Variants in DLG2 observed in about 807,000 individuals in gnomAD.
DLG2 encodes disks large homolog 2.
A neutral mutation model predicts 132.5 loss-of-function variants in DLG2; 45 were observed. The observed-to-expected ratio is 0.34, with a 90% CI of 0.27 to 0.44. DLG2 has a LOEUF of 0.44. Ranked by LOEUF, DLG2 falls within the 20% of genes least tolerant of loss-of-function variation. The pLI, the probability that DLG2 is intolerant of heterozygous loss-of-function variation, is 1.00. For synonymous variants in DLG2, 424 were observed against 419.6 expected, an observed-to-expected ratio of 1.01 and a Z score of -0.13; for missense variants, 1,045 against 1,196.9, an observed-to-expected ratio of 0.87 and a Z score of 1.87.
chr11:83,733,224 G>A (rs2091322722), intron 18 of DLG2, among the ~76,000 whole-genome samples: 1 of 130,044 alleles, frequency 7.7e-6, no homozygotes, highest in Non-Finnish European at 1.6e-5. Flanking sequence ...CTGGGCAATG[G>A]AGGGAGACCC....
intron 7 of DLG2, among the ~76,000 whole-genome samples, chr11:84,306,525 T>C (rs1204398116): frequency 6.6e-6 from 1 of 152,238 alleles, no homozygotes; most frequent in East Asian, 1.9e-4. Flanking sequence ...CGCGGAGTTA[T>C]AGTCCCAGAA....
chr11:84,442,119 A>G (rs983069984), intron 7 of DLG2, among the ~76,000 whole-genome samples: 1 of 152,126 alleles, frequency 6.6e-6, no homozygotes, highest in African/African-American at 2.4e-5. Context: ...TTCATTCTAT[A>G]TGAAATTTAA....
intron 18 of DLG2, among the ~76,000 whole-genome samples, chr11:83,685,288 C>T (rs1193272324): frequency 6.6e-6 from 1 of 152,186 alleles, no homozygotes; most frequent in East Asian, 1.9e-4. Flanking sequence ...ACATTAGTGT[C>T]TGTTTTCACT....
intron 6 of DLG2, among the ~76,000 whole-genome samples, chr11:84,714,256 C>CA (rs2060767293): frequency 6.6e-6 from 1 of 151,848 alleles, no homozygotes; most frequent in South Asian, 2.1e-4. Flanking sequence ...CTGCTAGTGA[C>CA]AAAAAATATG....
chr11:85,046,382 T>C (rs1028718766), intron 6 of DLG2, among the ~76,000 whole-genome samples: 1 of 151,972 alleles, frequency 6.6e-6, no homozygotes, highest in African/African-American at 2.4e-5. Context: ...AGAAATGGAA[T>C]TATGAGGATA....
At chr11:84,310,665 G>A (rs1409315633) in intron 7 of DLG2, among the ~76,000 whole-genome samples, 1 of 152,118 alleles carries the variant, frequency 6.6e-6, no homozygotes, top group African/African-American at 2.4e-5. Context: ...TCCCTTACCT[G>A]GGGGACAGCT....
intron 17 of DLG2, among the ~76,000 whole-genome samples, chr11:83,792,100 C>A (rs1166778176): frequency 1.3e-5 from 2 of 152,064 alleles, no homozygotes; most frequent in African/African-American, 4.8e-5. Context: ...TAATGAAAGC[C>A]CAGTATTCCA....
intron 22 of DLG2, among the ~76,000 whole-genome samples, chr11:83,483,579 A>G (rs1350977995): frequency 2.0e-5 from 3 of 152,176 alleles, no homozygotes; most frequent in African/African-American, 7.2e-5. Context: ...ATGGTCAATC[A>G]CGTTGCCACA....
intron 7 of DLG2, among the ~76,000 whole-genome samples, chr11:84,345,643 T>C (rs899377347): frequency 6.6e-6 from 1 of 150,970 alleles, no homozygotes; most frequent in African/African-American, 2.4e-5. Flanking sequence ...TTTTCTTTTC[T>C]TTTTTTTTAA....
intron 4 of DLG2, among the ~76,000 whole-genome samples, chr11:85,197,598 CTTATG>C (rs1241218352): frequency 2.0e-5 from 3 of 152,124 alleles, no homozygotes; most frequent in South Asian, 2.1e-4. Context: ...ATTGAGTTTA[CTTATG>C]TTAAGTCTAG....
At chr11:83,499,578 T>C (rs2094334149) in intron 21 of DLG2, among the ~76,000 whole-genome samples, 1 of 151,364 alleles carries the variant, frequency 6.6e-6, no homozygotes, top group African/African-American at 2.4e-5. Context: ...GAATGTATCA[T>C]GATTGCTTTT....
chr11:84,465,738 C>T (rs2099092583), intron 7 of DLG2, among the ~76,000 whole-genome samples: 1 of 151,120 alleles, frequency 6.6e-6, no homozygotes, highest in Non-Finnish European at 1.5e-5. Flanking sequence ...TACCCCAAAC[C>T]ACCACTTATT....
In DLG2 at chr11:83,881,117, A is replaced by G. The variant is rs545483592; in HGVS notation, c.1497-6629T>C. Among the ~76,000 whole-genome samples, 7 of 152,310 alleles carry G rather than the reference A, an allele frequency of 4.6e-5. No individual in the cohort carries two copies. The South Asian group carries it at 1.4e-3, about 32-fold the overall frequency. On this transcript the variant is annotated intron_variant, in intron 15 of 27. Coordinates refer to ENST00000376104, the MANE Select transcript of DLG2 (RefSeq NM_001142699.3). ...ATTTAAACTGCAGAATGTAGAAATG[A>G]ACTCATAGTTCCAGATGTGTTCAGA...
chr11:85,444,983 T>TA (rs1464638150), intron 3 of DLG2, among the ~76,000 whole-genome samples: 2 of 152,086 alleles, frequency 1.3e-5, no homozygotes, highest in African/African-American at 4.8e-5. Flanking sequence ...TAAAAAGGAT[T>TA]AGGAGGTTGA....
chr11:84,079,285 T>TTTG (rs1555326965), intron 10 of DLG2, among the ~76,000 whole-genome samples: 8 of 151,496 alleles, frequency 5.3e-5, no homozygotes, highest in Admixed American at 2.6e-4. Context: ...TTTGTTTTTT[T>TTTG]TTTTGTTTTT....
intron 6 of DLG2, among the ~76,000 whole-genome samples, chr11:84,554,555 T>C (rs2099408133): frequency 6.6e-6 from 1 of 152,126 alleles, no homozygotes; most frequent in Non-Finnish European, 1.5e-5. Context: ...AAGACCAGCC[T>C]GACCAACATG....
intron 3 of DLG2, among the ~76,000 whole-genome samples, chr11:85,441,141 C>T (rs139981250): frequency 1.5e-4 from 23 of 152,268 alleles, no homozygotes; most frequent in East Asian, 3.9e-4. Flanking sequence ...AGAGCTTAAA[C>T]ATCTCACAAG....
chr11:83,730,964 A>G (rs997148379), intron 18 of DLG2, among the ~76,000 whole-genome samples: 3 of 152,180 alleles, frequency 2.0e-5, no homozygotes, highest in Non-Finnish European at 4.4e-5. Context: ...ATGAAACAGA[A>G]ATTAGCAAGG....
chr11:85,166,683 T>G (rs2078476416), intron 4 of DLG2, among the ~76,000 whole-genome samples: 1 of 152,124 alleles, frequency 6.6e-6, no homozygotes. Context: ...TGCTTATATA[T>G]TTATCTTCTC....
Sources: gnomAD v4.1 joint callset for allele counts (sites outside exome capture counted in the v4.1 genomes callset) on GRCh38, gnomAD v4.1.1 for gene constraint, MANE v1.5 for transcripts, NCBI Gene and HGNC (gene_info 2026-07-23, HGNC 2026-07-21) for gene names.